Variants in FCRL2 observed in about 807,000 individuals in gnomAD.
FCRL2 encodes the protein Fc receptor like 2, also known as Fc receptor-like protein 2.
In FCRL2, 48 loss-of-function variants were observed where a neutral mutation model predicts 59.8. That is an observed-to-expected ratio of 0.80 (90% CI 0.64 to 1.02). FCRL2 has a LOEUF of 1.02. FCRL2 is among the 50% of genes least tolerant of loss of function. The probability of loss-of-function intolerance (pLI) is 0.00; values close to 1 mark genes in which losing one functional copy is unlikely to be tolerated. For synonymous variants in FCRL2, 251 were observed against 229.5 expected (o/e 1.09, Z -0.85); for missense variants, 658 against 597.3 (o/e 1.10, Z -1.06).
chr1:157,765,887 T>C (rs1472981396), intron 7 of FCRL2, among the ~76,000 whole-genome samples: 2 of 152,228 alleles, frequency 1.3e-5, no homozygotes, highest in Non-Finnish European at 2.9e-5. Flanking sequence ...AGCTTCATTA[T>C]CACACTTGCT....
chr1:157,774,598 G>A (rs561487363), intron 2 of FCRL2: 2 of 385,840 alleles, frequency 5.2e-6, no homozygotes, highest in African/African-American at 4.2e-5. Context: ...GGAGCCTGCT[G>A]TCTTGGCATG....
intron 2 of FCRL2, among the ~76,000 whole-genome samples, chr1:157,773,744 C>T (rs533292754): frequency 6.6e-6 from 1 of 152,294 alleles, no homozygotes; most frequent in African/African-American, 2.4e-5. Flanking sequence ...AATCTGTATG[C>T]ACCATTAGCA....
At chr1:157,774,868 C>G (rs1194679377) in intron 2 of FCRL2, among the ~76,000 whole-genome samples, 1 of 152,156 alleles carries the variant, frequency 6.6e-6, no homozygotes, top group South Asian at 2.1e-4. Flanking sequence ...CAAAGAGCCC[C>G]TTCCACTTGG....
intron 7 of FCRL2, among the ~76,000 whole-genome samples, chr1:157,764,968 AGT>A (rs1649385362): frequency 6.6e-6 from 1 of 152,196 alleles, no homozygotes; most frequent in South Asian, 2.1e-4. Flanking sequence ...AAATGATAAC[AGT>A]CAGAGCACAA....
intron 7 of FCRL2, among the ~76,000 whole-genome samples, chr1:157,752,374 T>C (rs933397542): frequency 6.6e-6 from 1 of 152,252 alleles, no homozygotes; most frequent in Admixed American, 6.5e-5. Context: ...ACATAAGATG[T>C]GACTTGCTCC....
rs529663365 is a variant in FCRL2, at chr1:157,775,893, C to A, written c.32-98G>T. On this transcript the variant is annotated intron_variant, in intron 1 of 11. Coordinates refer to ENST00000361516, the MANE Select transcript of FCRL2 (RefSeq NM_030764.4). ...GGTAAATTGCTCAAAAACTTCTTTC[C>A]ATTTTCCCTTTCTTTTCTATTTCCC... 2.3e-5 allele frequency: 31 copies of A among 1,335,692 alleles called. 1 individual carries two copies. The South Asian group carries it at 3.3e-4, about 14-fold the overall frequency. The allele number at this position is 1,335,692 out of a possible 1,614,324, so 82.7% of individuals were successfully genotyped here.
At chr1:157,762,003 A>T (rs959762775) in intron 7 of FCRL2, among the ~76,000 whole-genome samples, 3 of 152,176 alleles carry the variant, frequency 2.0e-5, no homozygotes, top group Non-Finnish European at 4.4e-5. Flanking sequence ...GATAGTGAAG[A>T]ATTGCTGAGA....
At chr1:157,760,711 G>GAAAGAAAGAA (rs1557860454) in intron 7 of FCRL2, among the ~76,000 whole-genome samples, 2 of 58,036 alleles carry the variant, frequency 3.4e-5, no homozygotes, top group Non-Finnish European at 7.3e-5. Context: ...AAGAAAGAAA[G>GAAAGAAAGAA]AAAGAAAGAA....
chr1:157,760,426 T>C (rs180741349), intron 7 of FCRL2, among the ~76,000 whole-genome samples: 1 of 151,624 alleles, frequency 6.6e-6, no homozygotes, highest in East Asian at 1.9e-4. Flanking sequence ...AGTTCAAGAC[T>C]AGCCTGGTCA....
In FCRL2 at chr1:157,748,894, C is replaced by T. The variant is rs1333775456; in HGVS notation, c.1374G>A (p.Leu458=). 2 of 1,613,848 alleles carry T rather than the reference C, an allele frequency of 1.2e-6. No homozygotes were observed. Among genetic ancestry groups the T allele is most frequent in the Non-Finnish European group, 1.7e-6 (2 of 1,179,890 alleles). ...ACTCACCATTGACATACACTGGCTG[C>T]AGCTCCTCCATGTCTGGGGTTGGGC... ...YSSPTPDMEE[L]QPVYVNVGSV... The change falls in exon 9 of 12, where the codon CTG becomes CTA. Residue 458 remains leucine (L), a synonymous_variant. Transcript: ENST00000361516.
intron 10 of FCRL2, among the ~76,000 whole-genome samples, chr1:157,748,020 A>G (rs56180806): frequency 0.033 from 4,861 of 145,178 alleles, 243 homozygotes; most frequent in African/African-American, 0.11. Context: ...CCATCACCCT[A>G]TTTTTTTTTT....
chr1:157,773,437 T>C (rs1650176634), intron 2 of FCRL2, among the ~76,000 whole-genome samples: 1 of 152,064 alleles, frequency 6.6e-6, no homozygotes, highest in Admixed American at 6.6e-5. Context: ...GCAACCAAAA[T>C]AATGGGTTTC....
At chr1:157,758,823 G>A (rs1257203344) in intron 7 of FCRL2, among the ~76,000 whole-genome samples, 1 of 151,748 alleles carries the variant, frequency 6.6e-6, no homozygotes, top group Non-Finnish European at 1.5e-5. Flanking sequence ...ATAAACACAA[G>A]CAATGGGGAA....
At position 157,777,092 on chromosome 1, in the gene FCRL2, T is replaced by C. The variant is rs1650470217; in HGVS notation, c.-19A>G. ...GCAGCATGAGGACCTAATCCAGCTA[T>C]TTGAAAAGAGATGTACTCTTGGTCA... On this transcript the variant is annotated 5_prime_UTR_variant, in exon 1 of 12. Transcript: ENST00000361516. 4 of 1,614,164 alleles carry C rather than the reference T, an allele frequency of 2.5e-6. No homozygotes were observed. The highest frequency in any genetic ancestry group is 3.4e-6 in the Non-Finnish European group (4 of 1,180,012).
At chr1:157,768,188 T>C (rs972366955) in intron 5 of FCRL2, 1 of 517,044 alleles carries the variant, frequency 1.9e-6, no homozygotes, top group African/African-American at 1.9e-5. Context: ...TATCGTAGGA[T>C]TGCAAGAATG....
At position 157,752,008 on chromosome 1, in the gene FCRL2, T is replaced by C. The variant is rs150339815; in HGVS notation, c.1280-2331A>G. On this transcript the variant is annotated intron_variant, in intron 7 of 11. Coordinates refer to ENST00000361516, the MANE Select transcript of FCRL2 (RefSeq NM_030764.4). ...GAGAGAAACATCTGGCCAGAACCCT[T>C]TCCATATTGCAGAAGGCTGGCCTGA... 7.2e-3 allele frequency among the ~76,000 whole-genome samples: 1,098 copies of C among 152,334 alleles called. 18 individuals are homozygous for C. Among genetic ancestry groups the C allele is most frequent in the African/African-American group, 0.025 (1,049 of 41,580 alleles).
intron 2 of FCRL2, among the ~76,000 whole-genome samples, chr1:157,772,562 T>C (rs1028498446): frequency 6.6e-6 from 1 of 152,126 alleles, no homozygotes; most frequent in African/African-American, 2.4e-5. Context: ...GAGAGAGTCA[T>C]CGTCACCACC....
At chr1:157,776,362 C>T (rs71630674) in intron 1 of FCRL2, among the ~76,000 whole-genome samples, 2 of 152,148 alleles carry the variant, frequency 1.3e-5, no homozygotes, top group Admixed American at 6.5e-5. Flanking sequence ...CTCCACCTCC[C>T]GGGTTCAAGC....
chr1:157,746,861 T>G lies in FCRL2; in HGVS notation c.1488+10A>C. On this transcript the variant is annotated intron_variant, in intron 11 of 11. Coordinates refer to ENST00000361516, the MANE Select transcript of FCRL2 (RefSeq NM_030764.4). The stretch of plus-strand genomic sequence containing the variant: ...GGAAAGATGAAGAAATTCCAAGGTG[T>G]CTAGCTCACCTTGTTCTCCAGAAGT... 6.2e-7 allele frequency: 1 copy of G among 1,613,894 alleles called. No individual in the cohort carries two copies. Among genetic ancestry groups the G allele is most frequent in the Non-Finnish European group, 8.5e-7 (1 of 1,179,816 alleles).
Sources: allele counts gnomAD v4.1 joint callset (sites outside exome capture counted in the v4.1 genomes callset), GRCh38; gene constraint gnomAD v4.1.1; transcripts MANE v1.5; gene names NCBI Gene and HGNC (gene_info 2026-07-23, HGNC 2026-07-21).